Variants in CLSTN2 observed in about 807,000 individuals in gnomAD.
The protein encoded by CLSTN2 is calsyntenin 2.
CLSTN2 carries 48 observed loss-of-function variants against 101.2 expected under a neutral mutation model. The ratio of observed to expected loss-of-function variants is 0.47; its 90% confidence interval spans 0.38 to 0.60. The LOEUF (loss-of-function observed/expected upper bound fraction) is 0.60. CLSTN2 is among the 20% of genes least tolerant of loss of function. The probability of loss-of-function intolerance (pLI) is 0.00; values close to 1 mark genes in which losing one functional copy is unlikely to be tolerated. For synonymous variants in CLSTN2, 481 were observed against 463.6 expected, an observed-to-expected ratio of 1.04 and a Z score of -0.48; for missense variants, 1,160 against 1,238.2, an observed-to-expected ratio of 0.94 and a Z score of 0.95.
rs1018897535 is a variant in CLSTN2, at chr3:140,570,306, C to G, written c.*4053C>G. 1 of 152,138 alleles carries G rather than the reference C, an allele frequency of 6.6e-6. No individual in the cohort carries two copies. Among genetic ancestry groups the G allele is most frequent in the Non-Finnish European group, 1.5e-5 (1 of 68,036 alleles). The allele number at this position is 152,138 out of a possible 1,614,324, so 9.4% of individuals were successfully genotyped here. ...GAAAAAATGTATAGTTGCAACTGAC[C>G]TGAACATATTCTTTTTTTCATTATT... is the stretch of plus-strand genomic sequence containing the variant. On this transcript the variant is annotated 3_prime_UTR_variant, in exon 17 of 17. Coordinates refer to ENST00000458420, the MANE Select transcript of CLSTN2 (RefSeq NM_022131.3).
intron 2 of CLSTN2, among the ~76,000 whole-genome samples, chr3:140,322,973 A>G (rs1396829837): frequency 7.9e-5 from 12 of 152,228 alleles, no homozygotes; most frequent in African/African-American, 2.9e-4. Context: ...GATCTGATCC[A>G]TGCCGCTTTT....
chr3:140,566,550 GT>G lies in CLSTN2; in HGVS notation c.*303del, dbSNP rs1936031508. 6 of 413,794 alleles carry G rather than the reference GT, an allele frequency of 1.5e-5. No homozygotes were observed. The highest frequency in any genetic ancestry group is 2.7e-5 in the Non-Finnish European group (6 of 224,006). The allele number at this position is 413,794 out of a possible 1,614,324, so 25.6% of individuals were successfully genotyped here. ...CTACCTGTCTGCAGAGTTTGCCTTT[GT>G]TTTTTCCTGCAGGGAAGAAGGCCCA... On this transcript the variant is annotated 3_prime_UTR_variant, in exon 17 of 17. Coordinates refer to ENST00000458420, the MANE Select transcript of CLSTN2 (RefSeq NM_022131.3).
At chr3:140,492,889 G>A (rs570689643) in intron 8 of CLSTN2, among the ~76,000 whole-genome samples, 8 of 152,246 alleles carry the variant, frequency 5.3e-5, no homozygotes, top group Non-Finnish European at 1.0e-4. Flanking sequence ...AACTGCCCCC[G>A]CAGGAGACAG....
At chr3:140,016,181 A>G (rs1295920925) in intron 1 of CLSTN2, among the ~76,000 whole-genome samples, 1 of 152,186 alleles carries the variant, frequency 6.6e-6, no homozygotes, top group Non-Finnish European at 1.5e-5. Flanking sequence ...TAAGAGCTCT[A>G]GGAGCTGAAG....
rs61248635 is a variant in CLSTN2, at chr3:140,264,375, A to AATATAT, written c.232+88350_232+88355dup. ...CTGTGAGTTCAAGGTTAATGAATCA[A>AATATAT]ATATATATATATATATATATATATA... On this transcript the variant is annotated intron_variant, in intron 2 of 16. Coordinates refer to ENST00000458420, the MANE Select transcript of CLSTN2 (RefSeq NM_022131.3). Among the ~76,000 whole-genome samples the AATATAT allele has an allele frequency of 1.6e-3, 157 of 98,406 alleles. 1 individual carries two copies. Among genetic ancestry groups the AATATAT allele is most frequent in the East Asian group, 3.4e-3 (4 of 1,174 alleles). The allele number at this position is 98,406 out of a possible 152,430, so 64.6% of individuals were successfully genotyped here.
intron 1 of CLSTN2, among the ~76,000 whole-genome samples, chr3:139,980,545 C>T (rs1288741074): frequency 1.3e-5 from 2 of 152,104 alleles, no homozygotes; most frequent in African/African-American, 4.8e-5. Flanking sequence ...AATTTCTTGT[C>T]CTTTATGTGT....
At chr3:140,085,692 C>T (rs910334543) in intron 1 of CLSTN2, among the ~76,000 whole-genome samples, 2 of 152,104 alleles carry the variant, frequency 1.3e-5, no homozygotes, top group African/African-American at 2.4e-5. Context: ...CCTCCTCTGC[C>T]CCTCTCTCCA....
At chr3:140,197,315 T>G (rs2010658915) in intron 2 of CLSTN2, among the ~76,000 whole-genome samples, 1 of 152,212 alleles carries the variant, frequency 6.6e-6, no homozygotes, top group Admixed American at 6.5e-5. Context: ...ATAAAAATCA[T>G]AGCCATTTCC....
intron 9 of CLSTN2, among the ~76,000 whole-genome samples, chr3:140,538,218 A>G (rs1293566308): frequency 8.9e-6 from 1 of 112,232 alleles, no homozygotes; most frequent in Non-Finnish European, 1.7e-5. Flanking sequence ...CTCCAGTGTC[A>G]TGGGTTGTAA....
intron 5 of CLSTN2, among the ~76,000 whole-genome samples, chr3:140,434,853 TG>T (rs1419430979): frequency 1.3e-5 from 2 of 152,360 alleles, no homozygotes; most frequent in African/African-American, 4.8e-5. Flanking sequence ...TTTTCCTGTT[TG>T]TTTTCTTTTC....
chr3:140,190,250 T>C (rs2010540614), intron 2 of CLSTN2, among the ~76,000 whole-genome samples: 2 of 152,064 alleles, frequency 1.3e-5, no homozygotes, highest in Non-Finnish European at 2.9e-5. Flanking sequence ...ATTTCTGGAT[T>C]CTCTTCTCTC....
chr3:140,151,581 C>T (rs17342111), intron 1 of CLSTN2, among the ~76,000 whole-genome samples: 6,265 of 152,056 alleles, frequency 0.041, 177 homozygotes, highest in Middle Eastern at 0.075. Flanking sequence ...TTAAAGAGGC[C>T]GTGCTTCCTG....
At chr3:140,462,005 G>A (rs1201829273) in intron 7 of CLSTN2, among the ~76,000 whole-genome samples, 1 of 74,986 alleles carries the variant, frequency 1.3e-5, no homozygotes, top group Non-Finnish European at 2.9e-5. Context: ...TTTTTTTCAA[G>A]TCATAAAGCA....
chr3:140,067,910 G>A (rs1295223042), intron 1 of CLSTN2, among the ~76,000 whole-genome samples: 2 of 152,160 alleles, frequency 1.3e-5, no homozygotes, highest in African/African-American at 4.8e-5. Flanking sequence ...CTGGTTGAAA[G>A]GAAAATGCTG....
intron 1 of CLSTN2, among the ~76,000 whole-genome samples, chr3:140,070,688 TG>T (rs2008375436): frequency 6.6e-6 from 1 of 152,210 alleles, no homozygotes; most frequent in Non-Finnish European, 1.5e-5. Context: ...CCAAAAGGTT[TG>T]TTTTTTCTTG....
chr3:140,477,363 A>G (rs1934010213), intron 8 of CLSTN2, among the ~76,000 whole-genome samples: 1 of 152,224 alleles, frequency 6.6e-6, no homozygotes, highest in African/African-American at 2.4e-5. Flanking sequence ...GTTACTTAGA[A>G]GACAGTAGCT....
At chr3:140,555,248 G>A (rs1403733807) in intron 10 of CLSTN2, among the ~76,000 whole-genome samples, 1 of 152,188 alleles carries the variant, frequency 6.6e-6, no homozygotes, top group East Asian at 1.9e-4. Context: ...CCCACATTTA[G>A]TTGACCAAGC....
chr3:140,347,566 C>A (rs904766624), intron 2 of CLSTN2, among the ~76,000 whole-genome samples: 1 of 152,210 alleles, frequency 6.6e-6, no homozygotes, highest in Non-Finnish European at 1.5e-5. Flanking sequence ...ATAGATAAGG[C>A]CTCAGTGGAT....
chr3:140,561,077 T>G (rs1481480957), intron 12 of CLSTN2, among the ~76,000 whole-genome samples: 2 of 151,930 alleles, frequency 1.3e-5, no homozygotes, highest in Non-Finnish European at 2.9e-5. Flanking sequence ...ATAATCCATC[T>G]TTAGTGAATT....
Sources: allele counts gnomAD v4.1 joint callset (sites outside exome capture counted in the v4.1 genomes callset), GRCh38; gene constraint gnomAD v4.1.1; transcripts MANE v1.5; gene names NCBI Gene and HGNC (gene_info 2026-07-23, HGNC 2026-07-21).